Variants in TMEM140 observed in about 807,000 individuals in gnomAD.
TMEM140 encodes the protein transmembrane protein 140.
For synonymous variants in TMEM140, 107 were observed against 106.8 expected (o/e 1.00, Z -0.01); for missense variants, 236 against 228.5 (o/e 1.03, Z -0.21).
intron 1 of TMEM140, among the ~76,000 whole-genome samples, chr7:135,160,743 A>AC (rs1050815287): frequency 3.3e-5 from 5 of 151,228 alleles, no homozygotes; most frequent in Non-Finnish European, 5.9e-5. Flanking sequence ...TTTAAAAAAA[A>AC]AAAACAAAAA....
chr7:135,165,856 A>G lies in TMEM140; in HGVS notation c.*857A>G, dbSNP rs565014281. 1 of 167,230 alleles carries G rather than the reference A, an allele frequency of 6.0e-6. No individual in the cohort carries two copies. The highest frequency in any genetic ancestry group is 1.5e-5 in the Non-Finnish European group (1 of 68,122). The allele number at this position is 167,230 out of a possible 1,614,324, so 10.4% of individuals were successfully genotyped here. A position where few individuals can be genotyped will look rare whatever the true frequency, so the allele number is the denominator to read the frequency against. Reference sequence around the variant, plus strand: ...CTGTATGGCAGTGATTTATTCATATATTCCTGTCCAAAGCCACACTGAAAA... The same window carrying G: ...CTGTATGGCAGTGATTTATTCATATGTTCCTGTCCAAAGCCACACTGAAAA... On this transcript the variant is annotated 3_prime_UTR_variant, in exon 2 of 2. Coordinates refer to ENST00000275767, the MANE Select transcript of TMEM140 (RefSeq NM_018295.5).
chr7:135,153,648 G>C (rs1829718353), intron 1 of TMEM140, among the ~76,000 whole-genome samples: 1 of 152,184 alleles, frequency 6.6e-6, no homozygotes, highest in African/African-American at 2.4e-5. Context: ...CATATTTATT[G>C]ATTTGCATAT....
intron 1 of TMEM140, among the ~76,000 whole-genome samples, chr7:135,148,543 G>C (rs1829597728): frequency 6.6e-6 from 1 of 152,192 alleles, no homozygotes; most frequent in Non-Finnish European, 1.5e-5. Flanking sequence ...TAACTGGTTA[G>C]AAACGATGCA....
chr7:135,155,721 C>A (rs538382672), intron 1 of TMEM140, among the ~76,000 whole-genome samples: 1 of 152,148 alleles, frequency 6.6e-6, no homozygotes, highest in South Asian at 2.1e-4. Context: ...CATGGTGGCA[C>A]ATGTCTGTAT....
intron 1 of TMEM140, among the ~76,000 whole-genome samples, chr7:135,163,674 A>C (rs1830006767): frequency 1.3e-5 from 2 of 152,196 alleles, no homozygotes; most frequent in Non-Finnish European, 2.9e-5. Flanking sequence ...AAAACGTCTA[A>C]GTTTTCTATA....
chr7:135,152,755 C>T (rs1829695367), intron 1 of TMEM140: 1 of 152,138 alleles, frequency 6.6e-6, no homozygotes, highest in African/African-American at 2.4e-5. Context: ...AAAGAAAGGC[C>T]CTAGGAACCT....
At position 135,151,555 on chromosome 7, in the gene TMEM140, CA is replaced by C; in HGVS notation, c.-25+3287del. 6.6e-6 allele frequency among the ~76,000 whole-genome samples: 1 copy of C among 152,314 alleles called. No individual in the cohort carries two copies. The highest frequency in any genetic ancestry group is 2.1e-4 in the South Asian group (1 of 4,828). ...CCTCTCTCCATTCAGGCGACACACC[CA>C]ACCATGTCTACCTGACTCTCCGTCA... On this transcript the variant is annotated intron_variant, in intron 1 of 1. Transcript: ENST00000275767. This position sits in a 1 kb window ranked among gnomAD's most constrained non-coding sequence, Gnocchi z 4.3.
intron 1 of TMEM140, among the ~76,000 whole-genome samples, chr7:135,156,465 ATTCT>A (rs1217256468): frequency 1.3e-5 from 2 of 151,460 alleles, no homozygotes; most frequent in African/African-American, 2.4e-5. Flanking sequence ...GAGTTCTGAG[ATTCT>A]TTCTTCTGCT....
rs1240324388 is a variant in TMEM140, at chr7:135,165,769, A to C, written c.*770A>C. ...TTCCCAACCCAGAACTTGGAAAGAC[A>C]TTAGCACAACTTACGCATTGGGGAA... On this transcript the variant is annotated 3_prime_UTR_variant, in exon 2 of 2. Transcript: ENST00000275767. 6.0e-6 allele frequency: 1 copy of C among 167,106 alleles called. No homozygotes were observed. Among genetic ancestry groups the C allele is most frequent in the Non-Finnish European group, 1.5e-5 (1 of 68,154 alleles). The allele number at this position is 167,106 out of a possible 1,614,324, so 10.4% of individuals were successfully genotyped here. A position where few individuals can be genotyped will look rare whatever the true frequency, so the allele number is the denominator to read the frequency against.
chr7:135,164,243 T>C (rs1336658397), intron 1 of TMEM140, among the ~76,000 whole-genome samples, 175 bp from the exon 2 acceptor site: 1 of 152,194 alleles, frequency 6.6e-6, no homozygotes, highest in Non-Finnish European at 1.5e-5. Context: ...AATGACTTAT[T>C]TGCAAATAGG....
intron 1 of TMEM140, among the ~76,000 whole-genome samples, chr7:135,149,166 T>G (rs1829612592): frequency 6.6e-6 from 1 of 152,218 alleles, no homozygotes; most frequent in Non-Finnish European, 1.5e-5. Flanking sequence ...AAGGCTGTTT[T>G]GAATGCCTGT....
At chr7:135,148,550 T>C (rs989460997) in intron 1 of TMEM140, among the ~76,000 whole-genome samples, 1 of 152,192 alleles carries the variant, frequency 6.6e-6, no homozygotes, top group Non-Finnish European at 1.5e-5. Flanking sequence ...TTAGAAACGA[T>C]GCAGGGCTGA....
At chr7:135,155,079 T>A (rs1350865237) in intron 1 of TMEM140, among the ~76,000 whole-genome samples, 2 of 152,238 alleles carry the variant, frequency 1.3e-5, no homozygotes, top group African/African-American at 2.4e-5. Flanking sequence ...CCTACATCAT[T>A]ATACAATGAC....
chr7:135,156,260 C>G (rs1686974025), intron 1 of TMEM140, among the ~76,000 whole-genome samples: 1 of 152,116 alleles, frequency 6.6e-6, no homozygotes, highest in Non-Finnish European at 1.5e-5. Context: ...ATCACTGGGC[C>G]TCCTGTATCT....
intron 1 of TMEM140, among the ~76,000 whole-genome samples, chr7:135,157,481 T>C (rs1034731538): frequency 2.0e-5 from 3 of 152,214 alleles, no homozygotes; most frequent in African/African-American, 7.2e-5. Flanking sequence ...TGTGCCCTTT[T>C]TAGGCCCCAC....
chr7:135,156,087 G>T (rs1489643227), intron 1 of TMEM140, among the ~76,000 whole-genome samples: 1 of 151,452 alleles, frequency 6.6e-6, no homozygotes, highest in African/African-American at 2.4e-5. Context: ...TTTCTGGCAT[G>T]TAAGAATTCT....
Position 135,157,262 on chromosome 7 carries a change from G to A in TMEM140, c.-24-7156G>A, listed in dbSNP as rs75591407. Among the ~76,000 whole-genome samples the A allele has an allele frequency of 2.0e-3, 307 of 152,332 alleles. 1 individual carries two copies. Among genetic ancestry groups the A allele is most frequent in the Non-Finnish European group, 3.0e-3 (204 of 68,014 alleles). ...AATTTTTTCCTGAGGATATATGCAT[G>A]TTGTTAAGATGCTTTGACTTTGATT... is the stretch of plus-strand genomic sequence containing the variant. On this transcript the variant is annotated intron_variant, in intron 1 of 1. Coordinates refer to ENST00000275767, the MANE Select transcript of TMEM140 (RefSeq NM_018295.5).
intron 1 of TMEM140, among the ~76,000 whole-genome samples, chr7:135,163,025 A>G (rs1193371604): frequency 6.6e-6 from 1 of 152,250 alleles, no homozygotes; most frequent in Non-Finnish European, 1.5e-5. Context: ...GATTGCACTT[A>G]TAGGTAGATC....
chr7:135,148,152 C>T lies in TMEM140; in HGVS notation c.-143C>T, dbSNP rs950392737. On this transcript the variant is annotated 5_prime_UTR_variant, in exon 1 of 2. Coordinates refer to ENST00000275767, the MANE Select transcript of TMEM140 (RefSeq NM_018295.5). ...GCATCTGCCTGCCATTTCCCTTCCA[C>T]TCCTCCTTTCTGGAGTCTGACATTA... The T allele has an allele frequency of 2.5e-5, 11 of 448,368 alleles. No individual in the cohort carries two copies. Among genetic ancestry groups the T allele is most frequent in the African/African-American group, 2.0e-4 (10 of 49,518 alleles). 27.8% of individuals were successfully genotyped at this position (448,368 alleles called of 1,614,324 possible).
Sources: allele counts gnomAD v4.1 joint callset (sites outside exome capture counted in the v4.1 genomes callset), GRCh38; gene constraint gnomAD v4.1.1; non-coding constraint Gnocchi (gnomAD v3.1); transcripts MANE v1.5; gene names NCBI Gene and HGNC (gene_info 2026-07-23, HGNC 2026-07-21).